Variants in ADAMTS17 observed in about 807,000 individuals in gnomAD.
The protein encoded by ADAMTS17 is ADAM metallopeptidase with thrombospondin type 1 motif 17, also known as A disintegrin and metalloproteinase with thrombospondin motifs 17.
In ADAMTS17, 113 loss-of-function variants were observed where a neutral mutation model predicts 141.5. That is an observed-to-expected ratio of 0.80 (90% CI 0.69 to 0.93). The LOEUF (loss-of-function observed/expected upper bound fraction) is 0.93. Among genes scored for constraint, ADAMTS17 ranks in the 40% least tolerant of loss-of-function variants. The probability of loss-of-function intolerance (pLI) is 0.00; values close to 1 mark genes in which losing one functional copy is unlikely to be tolerated. For synonymous variants in ADAMTS17, 768 were observed against 630.6 expected, an observed-to-expected ratio of 1.22 and a Z score of -3.27; for missense variants, 1,659 against 1,517.9, an observed-to-expected ratio of 1.09 and a Z score of -1.54.
intron 13 of ADAMTS17, among the ~76,000 whole-genome samples, chr15:100,112,262 T>A (rs986479612): frequency 6.6e-6 from 1 of 152,188 alleles, no homozygotes; most frequent in Non-Finnish European, 1.5e-5. Context: ...TCCACCTGCA[T>A]GCAGCTCTCA....
chr15:99,976,445 T>TG, intron 20 of ADAMTS17: 1 of 657,414 alleles, frequency 1.5e-6, no homozygotes, highest in Non-Finnish European at 2.7e-6. Flanking sequence ...ACAATGTGGC[T>TG]GCCCCTGGGC....
intron 3 of ADAMTS17, among the ~76,000 whole-genome samples, chr15:100,323,521 G>T (rs548826502): frequency 6.6e-6 from 1 of 151,900 alleles, no homozygotes; most frequent in Non-Finnish European, 1.5e-5. Context: ...CTTAAATACA[G>T]AAATTAAATA....
At chr15:100,287,066 T>C (rs150913179) in intron 3 of ADAMTS17, among the ~76,000 whole-genome samples, 2 of 152,296 alleles carry the variant, frequency 1.3e-5, no homozygotes, top group East Asian at 3.9e-4. Flanking sequence ...CACACACCTG[T>C]AGTCCCAGCT....
intron 3 of ADAMTS17, among the ~76,000 whole-genome samples, chr15:100,293,098 G>C (rs564622208): frequency 1.3e-5 from 2 of 152,340 alleles, no homozygotes; most frequent in Admixed American, 1.3e-4. Context: ...GGGAATTCCA[G>C]AAAGTGTTCA....
chr15:100,116,397 C>A (rs2037131392), intron 13 of ADAMTS17, among the ~76,000 whole-genome samples: 1 of 152,232 alleles, frequency 6.6e-6, no homozygotes, highest in South Asian at 2.1e-4. Context: ...TGTTCCCCAA[C>A]ATCCTAGCCA....
At chr15:100,270,995 G>T (rs1228349643) in intron 4 of ADAMTS17, among the ~76,000 whole-genome samples, 2 of 151,874 alleles carry the variant, frequency 1.3e-5, no homozygotes, top group Non-Finnish European at 2.9e-5. Flanking sequence ...TGGAATCACA[G>T]TATTTGTTCT....
At chr15:100,024,828 C>G (rs749315865) in intron 18 of ADAMTS17, among the ~76,000 whole-genome samples, 1 of 152,166 alleles carries the variant, frequency 6.6e-6, no homozygotes, top group East Asian at 1.9e-4. Flanking sequence ...TGTTCCCTGC[C>G]GGTCAATGTT....
intron 7 of ADAMTS17, among the ~76,000 whole-genome samples, chr15:100,233,488 A>G (rs1326525267): frequency 6.6e-6 from 1 of 152,186 alleles, no homozygotes; most frequent in African/African-American, 2.4e-5. Context: ...GCAGATGGGC[A>G]AGTTTTATTA....
chr15:100,169,959 G>T (rs1459184582), intron 8 of ADAMTS17, among the ~76,000 whole-genome samples: 1 of 152,122 alleles, frequency 6.6e-6, no homozygotes, highest in Non-Finnish European at 1.5e-5. Context: ...CGGGGTTCAG[G>T]GTTGGTTCCC....
intron 3 of ADAMTS17, among the ~76,000 whole-genome samples, chr15:100,287,498 C>T (rs1031169825): frequency 6.6e-6 from 1 of 152,172 alleles, no homozygotes; most frequent in African/African-American, 2.4e-5. Context: ...CCCAACCTCA[C>T]TAGAGAGGAC....
Position 100,051,564 on chromosome 15 carries a change from C to T in ADAMTS17, c.2455+8G>A. The T allele has an allele frequency of 6.2e-7, 1 of 1,613,080 alleles. No homozygotes were observed. The highest frequency in any genetic ancestry group is 8.5e-7 in the Non-Finnish European group (1 of 1,179,870). On this transcript the variant is annotated splice_region_variant and intron_variant, in intron 17 of 21. Transcript: ENST00000268070. Reference sequence around the variant, plus strand: ...ACACCCAACAGGTCATGGACCACGGCCACTCACCTCCGCCGCACTGCACAC... The same window carrying T: ...ACACCCAACAGGTCATGGACCACGGTCACTCACCTCCGCCGCACTGCACAC...
At chr15:100,121,832 G>C (rs2037467748) in intron 12 of ADAMTS17, among the ~76,000 whole-genome samples, 1 of 152,042 alleles carries the variant, frequency 6.6e-6, no homozygotes, top group Non-Finnish European at 1.5e-5. Flanking sequence ...CCACCTCCCT[G>C]TGGACAGCAT....
intron 12 of ADAMTS17, chr15:100,128,888 G>A (rs1158946759): frequency 6.6e-6 from 1 of 152,232 alleles, no homozygotes; most frequent in Non-Finnish European, 1.5e-5. Flanking sequence ...TTCCTGCCAA[G>A]ACATGAAGGC....
intron 6 of ADAMTS17, among the ~76,000 whole-genome samples, 178 bp from the exon 7 acceptor site, chr15:100,254,357 G>A (rs531733805): frequency 5.3e-5 from 8 of 152,146 alleles, no homozygotes; most frequent in East Asian, 1.9e-4. Flanking sequence ...CACATTTCCC[G>A]GGGTAGGTCC....
At chr15:100,307,836 C>A (rs942149345) in intron 3 of ADAMTS17, among the ~76,000 whole-genome samples, 4 of 152,230 alleles carry the variant, frequency 2.6e-5, no homozygotes, top group Non-Finnish European at 4.4e-5. Flanking sequence ...ACCACACAGC[C>A]CCAACACTGC....
intron 3 of ADAMTS17, among the ~76,000 whole-genome samples, chr15:100,287,291 A>T (rs1259285466): frequency 6.6e-6 from 1 of 152,236 alleles, no homozygotes; most frequent in African/African-American, 2.4e-5. Flanking sequence ...TTGAGGAAGG[A>T]ATCACAGAGT....
At chr15:100,020,117 CCAGGGG>C (rs2061375303) in intron 18 of ADAMTS17, among the ~76,000 whole-genome samples, 1 of 152,122 alleles carries the variant, frequency 6.6e-6, no homozygotes, top group Admixed American at 6.5e-5. Context: ...CAGAAAACAC[CCAGGGG>C]ACGGATTAAC....
chr15:100,015,465 G>A (rs1301170895), intron 18 of ADAMTS17, among the ~76,000 whole-genome samples: 2 of 152,138 alleles, frequency 1.3e-5, no homozygotes, highest in African/African-American at 2.4e-5. Flanking sequence ...AAGGTCCTGT[G>A]TGATTTATGC....
rs1002659174 is a variant in ADAMTS17, at chr15:100,302,821, C to T, written c.617-21420G>A. Among the ~76,000 whole-genome samples the T allele has an allele frequency of 5.9e-5, 9 of 152,182 alleles. No individual in the cohort carries two copies. The South Asian group carries it at 6.2e-4, about 11-fold the overall frequency. ...CATTCACATTTGAATCAGTGGGCTG[C>T]GAAAGGCAGGCCCACCCTTAATCTA... On this transcript the variant is annotated intron_variant, in intron 3 of 21. Coordinates refer to ENST00000268070, the MANE Select transcript of ADAMTS17 (RefSeq NM_139057.4).
Sources: allele counts gnomAD v4.1 joint callset (sites outside exome capture counted in the v4.1 genomes callset), GRCh38; gene constraint gnomAD v4.1.1; transcripts MANE v1.5; gene names NCBI Gene and HGNC (gene_info 2026-07-23, HGNC 2026-07-21).